GEMIN2: variants seen among roughly 807,000 people sequenced by gnomAD.
The protein encoded by GEMIN2 is gem nuclear organelle associated protein 2, also known as gem-associated protein 2.
In GEMIN2, 37 loss-of-function variants were observed where a neutral mutation model predicts 45.8. That is an observed-to-expected ratio of 0.81 (90% confidence interval 0.62 to 1.06). GEMIN2 has a LOEUF of 1.06. GEMIN2 is among the 50% of genes least tolerant of loss of function. GEMIN2 has a pLI of 0.00. For missense variants in GEMIN2, 335 were observed against 321.8 expected, an observed-to-expected ratio of 1.04 and a Z score of -0.31; for synonymous variants, 101 against 111.5, an observed-to-expected ratio of 0.91 and a Z score of 0.60.
In GEMIN2 at chr14:39,118,305, G is replaced by T. The variant is rs529598683; in HGVS notation, c.312+217G>T. On this transcript the variant is annotated intron_variant, in intron 3 of 9. Coordinates refer to ENST00000308317, the MANE Select transcript of GEMIN2 (RefSeq NM_003616.3). Reference sequence around the variant, plus strand: ...TGTTTATTTATTTCAATAGTTTTGGGGAACAGGTGGTTTTTGGTTACATGG... The same window carrying T: ...TGTTTATTTATTTCAATAGTTTTGGTGAACAGGTGGTTTTTGGTTACATGG... Among the ~76,000 whole-genome samples the T allele has an allele frequency of 2.6e-5, 4 of 152,018 alleles. No homozygotes were observed. In the South Asian group the frequency reaches 6.3e-4, roughly 24 times the overall value.
At chr14:39,122,409 G>GTTTTTT in intron 4 of GEMIN2, 21 bp from the exon 5 acceptor site, 4 of 1,028,758 alleles carry the variant, frequency 3.9e-6, no homozygotes, top group Admixed American at 4.5e-5. Context: ...GAATAAATCA[G>GTTTTTT]TTTTTTTTTT....
chr14:39,131,400 CTTGTGGTA>C (rs1307437830), intron 7 of GEMIN2, among the ~76,000 whole-genome samples: 1 of 152,092 alleles, frequency 6.6e-6, no homozygotes, highest in Non-Finnish European at 1.5e-5. Context: ...TTTTCTTGTG[CTTGTGGTA>C]TTCTTCACAG....
intron 6 of GEMIN2, 148 bp downstream of exon 6, chr14:39,125,184 C>G (rs989517449): frequency 7.7e-6 from 4 of 522,694 alleles, no homozygotes; most frequent in Non-Finnish European, 1.4e-5. Context: ...TTACTACAAC[C>G]CTCTATGGAG....
At chr14:39,126,223 A>G (rs1381804268) in intron 6 of GEMIN2, among the ~76,000 whole-genome samples, 1 of 137,846 alleles carries the variant, frequency 7.3e-6, no homozygotes, top group Non-Finnish European at 1.5e-5. Context: ...TCTCTTGCCC[A>G]TGCTGGAGTA....
chr14:39,118,586 G>A lies in GEMIN2; in HGVS notation c.359G>A (p.Ser120Asn), dbSNP rs1555333428. ...CACTGGAAATCACAACAGTTGGATAGTAATGTGACAATGGTATGTAAGTTT... is the reference window on the plus strand; with the variant it reads ...CACTGGAAATCACAACAGTTGGATAATAATGTGACAATGGTATGTAAGTTT... Reference protein sequence around the residue: ...RSHWKSQQLDSNVTMPKSEDE... With the variant: ...RSHWKSQQLDNNVTMPKSEDE... The change falls in exon 4 of 10, where the codon AGT becomes AAT. Residue 120 changes from serine to asparagine, a missense_variant. By Grantham distance (46) the Ser-to-Asn change is conservative. Coordinates refer to ENST00000308317, the MANE Select transcript of GEMIN2 (RefSeq NM_003616.3). 2.1e-6 allele frequency: 3 copies of A among 1,463,126 alleles called. No individual in the cohort carries two copies. The highest frequency in any genetic ancestry group is 1.9e-6 in the Non-Finnish European group (2 of 1,042,906). The allele number at this position is 1,463,126 out of a possible 1,614,324, so 90.6% of individuals were successfully genotyped here.
Position 39,118,089 on chromosome 14 carries a change from G to T in GEMIN2, c.312+1G>T. 1 of 1,523,346 alleles carries T rather than the reference G, an allele frequency of 6.6e-7. No homozygotes were observed. Among genetic ancestry groups the T allele is most frequent in the Non-Finnish European group, 9.1e-7 (1 of 1,101,938 alleles). The allele number at this position is 1,523,346 out of a possible 1,614,324, so 94.4% of individuals were successfully genotyped here. A position where few individuals can be genotyped will look rare whatever the true frequency, so the allele number is the denominator to read the frequency against. On this transcript the variant is annotated splice_donor_variant, in intron 3 of 9. Coordinates refer to ENST00000308317, the MANE Select transcript of GEMIN2 (RefSeq NM_003616.3). LOFTEE classifies it high-confidence loss of function. Reference sequence around the variant, plus strand: ...GGCACAGTTTTCAACTGTTCGACAGGTAAGTGTCATATTTAATCTAATTAA... The same window carrying T: ...GGCACAGTTTTCAACTGTTCGACAGTTAAGTGTCATATTTAATCTAATTAA...
At chr14:39,116,105 A>C (rs2052502393) in intron 2 of GEMIN2, among the ~76,000 whole-genome samples, 1 of 149,340 alleles carries the variant, frequency 6.7e-6, no homozygotes, top group South Asian at 2.1e-4. Flanking sequence ...GCACAATCTC[A>C]GCTCATCACA....
At chr14:39,135,024 G>C (rs535740676) in intron 9 of GEMIN2, among the ~76,000 whole-genome samples, 2 of 152,126 alleles carry the variant, frequency 1.3e-5, no homozygotes, top group Admixed American at 1.3e-4. Context: ...TGTTGGACTT[G>C]ATTTTTTTCC....
chr14:39,120,637 A>G (rs1488053842), intron 4 of GEMIN2, among the ~76,000 whole-genome samples: 1 of 135,498 alleles, frequency 7.4e-6, no homozygotes, highest in Non-Finnish European at 1.6e-5. Flanking sequence ...TATTTTATTT[A>G]TTTTTTTGAG....
chr14:39,131,731 C>G (rs988762861), intron 7 of GEMIN2: 2 of 398,004 alleles, frequency 5.0e-6, no homozygotes, highest in South Asian at 1.6e-4. Flanking sequence ...CTTTGGAGAT[C>G]AGGGAATATT....
chr14:39,116,410 C>CTTTTTT (rs71130815), intron 2 of GEMIN2, among the ~76,000 whole-genome samples: 2 of 133,086 alleles, frequency 1.5e-5, no homozygotes, highest in Non-Finnish European at 1.6e-5. Context: ...ATTTCTTTTT[C>CTTTTTT]TTTTTTTTTT....
intron 6 of GEMIN2, among the ~76,000 whole-genome samples, chr14:39,126,702 A>G (rs1230213419): frequency 6.6e-6 from 1 of 152,222 alleles, no homozygotes; most frequent in Non-Finnish European, 1.5e-5. Context: ...CTAAATTTTT[A>G]TTCAGATTTG....
At chr14:39,119,185 T>C (rs956457002) in intron 4 of GEMIN2, among the ~76,000 whole-genome samples, 2 of 152,296 alleles carry the variant, frequency 1.3e-5, no homozygotes, top group Admixed American at 6.5e-5. Context: ...AGGAAATAAA[T>C]ACATTTTCAA....
At chr14:39,117,793 A>G (rs987833820) in intron 2 of GEMIN2, among the ~76,000 whole-genome samples, 3 of 152,052 alleles carry the variant, frequency 2.0e-5, no homozygotes, top group African/African-American at 7.2e-5. Flanking sequence ...TAAGGTGACT[A>G]AGGCTCTTTC....
intron 4 of GEMIN2, among the ~76,000 whole-genome samples, chr14:39,120,464 A>T (rs17092050): frequency 0.095 from 14,471 of 152,278 alleles, 903 homozygotes; most frequent in East Asian, 0.32. Context: ...TAATTTAAGC[A>T]TGTGCTATAT....
chr14:39,135,010 GCT>G (rs567970985), intron 9 of GEMIN2, among the ~76,000 whole-genome samples: 2 of 151,990 alleles, frequency 1.3e-5, no homozygotes, highest in Non-Finnish European at 2.9e-5. Flanking sequence ...TTTCCTTTCA[GCT>G]CTGTTGGACT....
chr14:39,132,156 T>C, intron 8 of GEMIN2, 88 bp downstream of exon 8: 1 of 714,030 alleles, frequency 1.4e-6, no homozygotes, highest in Middle Eastern at 2.6e-4. Flanking sequence ...GGAAAACACA[T>C]GGAATATTTT....
intron 5 of GEMIN2, among the ~76,000 whole-genome samples, chr14:39,124,141 A>T (rs533127206): frequency 1.3e-5 from 2 of 152,304 alleles, no homozygotes; most frequent in East Asian, 3.9e-4. Context: ...AAAACCCTTA[A>T]GGAAGTAAGC....
At chr14:39,134,085 A>G (rs962195968) in intron 9 of GEMIN2, 5 of 157,336 alleles carry the variant, frequency 3.2e-5, no homozygotes, top group African/African-American at 1.2e-4. Flanking sequence ...GTGTAAAGCC[A>G]CTGCATTCAG....
Sources: gnomAD v4.1 joint callset for allele counts (sites outside exome capture counted in the v4.1 genomes callset) on GRCh38, gnomAD v4.1.1 for gene constraint, MANE v1.5 for transcripts, NCBI Gene and HGNC (gene_info 2026-07-23, HGNC 2026-07-21) for gene names.